NCK2: variants seen among roughly 807,000 people sequenced by gnomAD.
The protein encoded by NCK2 is cytoplasmic protein NCK2.
NCK2 carries 16 observed loss-of-function variants against 33.9 expected under a neutral mutation model. That is an observed-to-expected ratio of 0.47 (90% CI 0.32 to 0.72). NCK2 has a LOEUF of 0.72. Ranked by LOEUF, NCK2 falls within the 30% of genes least tolerant of loss-of-function variation. NCK2 has a pLI of 0.03. For missense variants in NCK2, 418 were observed against 537.3 expected (o/e 0.78, Z 2.19); for synonymous variants, 273 against 239.9 (o/e 1.14, Z -1.27).
intron 1 of NCK2, among the ~76,000 whole-genome samples, chr2:105,755,349 A>G (rs1413576991): frequency 6.6e-6 from 1 of 152,164 alleles, no homozygotes; most frequent in Non-Finnish European, 1.5e-5. Context: ...GGGTAGAACT[A>G]AAGTTCAGTT....
chr2:105,831,824 G>A (rs1676201819), intron 2 of NCK2, among the ~76,000 whole-genome samples: 1 of 152,142 alleles, frequency 6.6e-6, no homozygotes, highest in Non-Finnish European at 1.5e-5. Flanking sequence ...GTCATGTGGT[G>A]TGATGCCTCA....
chr2:105,891,193 C>G (rs1389264015), intron 4 of NCK2, among the ~76,000 whole-genome samples: 1 of 152,220 alleles, frequency 6.6e-6, no homozygotes, highest in Non-Finnish European at 1.5e-5. Context: ...CTCCCTCTCA[C>G]ATCTGCGCAC....
intron 1 of NCK2, among the ~76,000 whole-genome samples, chr2:105,750,466 CA>C (rs1218950201): frequency 1.3e-5 from 2 of 152,184 alleles, no homozygotes; most frequent in Non-Finnish European, 2.9e-5. Context: ...CTAGGTTCCA[CA>C]ACAGGGCTGA....
chr2:105,777,510 G>T (rs1690349721), intron 1 of NCK2, among the ~76,000 whole-genome samples: 1 of 152,108 alleles, frequency 6.6e-6, no homozygotes. Flanking sequence ...ATGGATCAAT[G>T]GAAATGGGAT....
chr2:105,891,436 A>G (rs558531640), intron 4 of NCK2, among the ~76,000 whole-genome samples: 1 of 151,386 alleles, frequency 6.6e-6, no homozygotes, highest in African/African-American at 2.4e-5. Flanking sequence ...TATTCATTTA[A>G]TGAATTGATC....
intron 1 of NCK2, among the ~76,000 whole-genome samples, chr2:105,769,949 G>C (rs1164033464): frequency 6.6e-6 from 1 of 152,226 alleles, no homozygotes; most frequent in African/African-American, 2.4e-5. Context: ...CCTTGGCCCC[G>C]CCATGAGGTC....
intron 4 of NCK2, 133 bp from the exon 5 acceptor site, chr2:105,892,845 CAAAA>C (rs34235939): frequency 5.2e-4 from 244 of 469,726 alleles, no homozygotes; most frequent in South Asian, 1.2e-3. Context: ...AACTCCATCT[CAAAA>C]AAAAAAAAAA....
intron 1 of NCK2, among the ~76,000 whole-genome samples, chr2:105,748,401 T>C (rs1288876338): frequency 6.6e-6 from 1 of 152,106 alleles, no homozygotes; most frequent in East Asian, 1.9e-4. Context: ...TTTTCTTTTT[T>C]TAAGGCAGGG....
chr2:105,865,317 T>C (rs1457938301), intron 3 of NCK2, among the ~76,000 whole-genome samples: 2 of 152,180 alleles, frequency 1.3e-5, no homozygotes, highest in African/African-American at 4.8e-5. Flanking sequence ...TCATTTTGCA[T>C]GTGAGAAAAC....
At chr2:105,882,810 T>G (rs1370723687) in intron 4 of NCK2, among the ~76,000 whole-genome samples, 2 of 152,236 alleles carry the variant, frequency 1.3e-5, no homozygotes, top group African/African-American at 4.8e-5. Context: ...ATACACCTTC[T>G]ACAATCGAGA....
In NCK2 at chr2:105,894,048, A is replaced by C. The variant is rs1051984774; in HGVS notation, c.*872A>C. 9 of 152,344 alleles carry C rather than the reference A, an allele frequency of 5.9e-5. No individual in the cohort carries two copies. Among genetic ancestry groups the C allele is most frequent in the Non-Finnish European group, 1.2e-4 (8 of 67,986 alleles). The allele number at this position is 152,344 out of a possible 1,614,324, so 9.4% of individuals were successfully genotyped here. On this transcript the variant is annotated 3_prime_UTR_variant, in exon 5 of 5. Transcript: ENST00000233154. Reference sequence around the variant, plus strand: ...TATATATATATATTATTTACAGGGAAATTTTTCAGGGTTTACAAAAGAGTA... The same window carrying C: ...TATATATATATATTATTTACAGGGACATTTTTCAGGGTTTACAAAAGAGTA...
At chr2:105,826,565 A>G (rs574226302) in intron 2 of NCK2, among the ~76,000 whole-genome samples, 29 of 152,338 alleles carry the variant, frequency 1.9e-4, no homozygotes, top group Admixed American at 1.9e-3. Flanking sequence ...GCAAAAATGT[A>G]ACTAATAAAG....
intron 3 of NCK2, among the ~76,000 whole-genome samples, chr2:105,863,244 C>T (rs1343041315): frequency 2.6e-5 from 4 of 152,090 alleles, no homozygotes; most frequent in African/African-American, 4.8e-5. Context: ...GGTCTGTCAT[C>T]GTGATTATAA....
chr2:105,850,206 C>T (rs919630302), intron 2 of NCK2, among the ~76,000 whole-genome samples: 1 of 152,120 alleles, frequency 6.6e-6, no homozygotes, highest in South Asian at 2.1e-4. Flanking sequence ...CCTTGATCCC[C>T]GTGACCTCTT....
chr2:105,749,530 G>A (rs1689385833), intron 1 of NCK2, among the ~76,000 whole-genome samples: 1 of 152,200 alleles, frequency 6.6e-6, no homozygotes, highest in African/African-American at 2.4e-5. Flanking sequence ...GGGGATGACA[G>A]AGCTTGAATT....
intron 1 of NCK2, among the ~76,000 whole-genome samples, chr2:105,795,307 T>C (rs1691039661): frequency 6.6e-6 from 1 of 152,246 alleles, no homozygotes; most frequent in African/African-American, 2.4e-5. Context: ...TTTTAATTTT[T>C]TTTTTCCTCA....
At chr2:105,875,097 A>G (rs1014385804) in intron 3 of NCK2, among the ~76,000 whole-genome samples, 2 of 152,204 alleles carry the variant, frequency 1.3e-5, no homozygotes, top group Non-Finnish European at 2.9e-5. Context: ...CTGGTCTTTA[A>G]TGTGGCACCT....
At chr2:105,857,830 G>A (rs1034046812) in intron 3 of NCK2, among the ~76,000 whole-genome samples, 5 of 152,182 alleles carry the variant, frequency 3.3e-5, no homozygotes, top group Admixed American at 2.6e-4. Context: ...CTCAGCATGA[G>A]TTTTCCCTTG....
intron 1 of NCK2, among the ~76,000 whole-genome samples, chr2:105,776,638 A>G (rs748987312): frequency 6.6e-6 from 1 of 152,214 alleles, no homozygotes; most frequent in Non-Finnish European, 1.5e-5. Context: ...GCTGGTGAGC[A>G]GATGATGCCA....
Sources: allele counts gnomAD v4.1 joint callset (sites outside exome capture counted in the v4.1 genomes callset), GRCh38; gene constraint gnomAD v4.1.1; transcripts MANE v1.5; gene names NCBI Gene and HGNC (gene_info 2026-07-23, HGNC 2026-07-21).